PCDHGA1: variants seen among roughly 807,000 people sequenced by gnomAD.
PCDHGA1 encodes protocadherin gamma subfamily A, 1.
PCDHGA1 carries 32 observed loss-of-function variants against 58.0 expected under a neutral mutation model. The ratio of observed to expected loss-of-function variants is 0.55; its 90% CI spans 0.42 to 0.74. PCDHGA1 has a LOEUF of 0.74. PCDHGA1 is among the 30% of genes least tolerant of loss of function. The pLI is 0.00. For missense variants in PCDHGA1, 1,205 were observed against 1,182.3 expected, an observed-to-expected ratio of 1.02 and a Z score of -0.28; for synonymous variants, 498 against 501.1, an observed-to-expected ratio of 0.99 and a Z score of 0.08.
intron 1 of PCDHGA1, chr5:141,409,037 T>G (rs770619339): frequency 1.2e-6 from 2 of 1,613,992 alleles, no homozygotes; most frequent in South Asian, 2.2e-5. Context: ...TGAGATAAAC[T>G]ACTACTTCCG....
At chr5:141,381,445 G>C (rs1777202904) in intron 1 of PCDHGA1, among the ~76,000 whole-genome samples, 1 of 152,248 alleles carries the variant, frequency 6.6e-6, no homozygotes. Context: ...TGTCAGGACA[G>C]TCCTGCATTT....
chr5:141,507,202 C>G (rs2099859138), intron 3 of PCDHGA1: 1 of 152,356 alleles, frequency 6.6e-6, no homozygotes, highest in Non-Finnish European at 1.5e-5. Flanking sequence ...TCTTCCAGAT[C>G]AGGGTTGCCA....
intron 1 of PCDHGA1, among the ~76,000 whole-genome samples, chr5:141,461,119 C>T (rs959427669): frequency 6.6e-6 from 1 of 152,016 alleles, no homozygotes; most frequent in Admixed American, 6.6e-5. Flanking sequence ...GTGTCTTTTT[C>T]ATATAATTAC....
intron 1 of PCDHGA1, chr5:141,362,068 G>T (rs62621761): frequency 1.9e-6 from 3 of 1,612,342 alleles, no homozygotes; most frequent in African/African-American, 1.3e-5. Flanking sequence ...CCTGCTGGTC[G>T]CTGTGCGTGA....
intron 1 of PCDHGA1, chr5:141,374,478 G>C (rs781173070): frequency 6.2e-7 from 1 of 1,611,820 alleles, no homozygotes; most frequent in African/African-American, 1.3e-5. Flanking sequence ...AATACACCCC[G>C]ATTCTTAAAG....
rs757520068 is a variant in PCDHGA1, at chr5:141,331,391, A to G, written c.707A>G (p.Asn236Ser). 6.2e-7 allele frequency: 1 copy of G among 1,614,148 alleles called. No individual in the cohort carries two copies. The highest frequency in any genetic ancestry group is 8.5e-7 in the Non-Finnish European group (1 of 1,180,040). Reference protein sequence around the residue: ...LRIYIQVVDANDNPPAFTQAQ... With the variant: ...LRIYIQVVDASDNPPAFTQAQ... ...ATTTACATTCAGGTGGTGGATGCAA[A>G]TGACAATCCTCCAGCATTTACTCAG... is the stretch of plus-strand genomic sequence containing the variant. Residue 236 changes from asparagine (N) to serine (S), a missense_variant, in exon 1 of 4, where the codon AAT becomes AGT. Transcript: ENST00000517417.
intron 1 of PCDHGA1, chr5:141,492,003 T>G: frequency 1.6e-6 from 1 of 626,972 alleles, no homozygotes; most frequent in Non-Finnish European, 2.6e-6. Context: ...TCGGGCGATT[T>G]CCGCGGGTGT....
At position 141,486,813 on chromosome 5, in the gene PCDHGA1, G is replaced by A; in HGVS notation, c.2422-7994G>A. On this transcript the variant is annotated intron_variant, in intron 1 of 3. Transcript: ENST00000517417. The surrounding 1 kb of genome is among the most constrained non-coding windows in gnomAD (Gnocchi z 5.0). ...GATCGGGGCAACCCACCCCTTAGCA[G>A]CACTGTAACAGTTCGTCTATTTGTG... The A allele has an allele frequency of 6.2e-7, 1 of 1,614,212 alleles. No individual in the cohort carries two copies.
intron 1 of PCDHGA1, chr5:141,374,344 G>A (rs1770398551): frequency 6.2e-7 from 1 of 1,614,034 alleles, no homozygotes; most frequent in Non-Finnish European, 8.5e-7. Context: ...TGGTCACCGC[G>A]GGTAGGATAG....
At chr5:141,390,385 C>T in intron 1 of PCDHGA1, 1 of 1,430,580 alleles carries the variant, frequency 7.0e-7, no homozygotes, top group South Asian at 1.3e-5. Flanking sequence ...TTTTAGATGT[C>T]ATGGATCATT....
intron 1 of PCDHGA1, among the ~76,000 whole-genome samples, chr5:141,452,522 A>G (rs924248463): frequency 6.6e-6 from 1 of 152,310 alleles, no homozygotes; most frequent in African/African-American, 2.4e-5. Context: ...CTCCCTCAAA[A>G]TCGTGAGTTC....
intron 1 of PCDHGA1, among the ~76,000 whole-genome samples, chr5:141,373,413 C>T (rs1769555622): frequency 6.6e-6 from 1 of 152,186 alleles, no homozygotes; most frequent in African/African-American, 2.4e-5. Flanking sequence ...GTCCCAGCTA[C>T]TCGGGAGGCT....
chr5:141,445,828 G>A (rs1188169953), intron 1 of PCDHGA1, among the ~76,000 whole-genome samples: 2 of 152,188 alleles, frequency 1.3e-5, no homozygotes, highest in African/African-American at 2.4e-5. Context: ...AAGGCAGGGA[G>A]AGCCTTGTAA....
At chr5:141,395,110 GTCACCTGATCTT>G in intron 1 of PCDHGA1, 2 of 1,614,214 alleles carry the variant, frequency 1.2e-6, no homozygotes, top group African/African-American at 1.3e-5. Flanking sequence ...TCGCGGAAGA[GTCACCTGATCTT>G]TCCCCAGCCC....
At chr5:141,419,327 TC>T (rs774592605) in intron 1 of PCDHGA1, 1 of 1,613,856 alleles carries the variant, frequency 6.2e-7, no homozygotes, top group Non-Finnish European at 8.5e-7. Flanking sequence ...TGTCTCCTAC[TC>T]TCTCATTGCC....
At chr5:141,445,188 GTATTCTA>G (rs1223900471) in intron 1 of PCDHGA1, among the ~76,000 whole-genome samples, 1 of 152,080 alleles carries the variant, frequency 6.6e-6, no homozygotes, top group Non-Finnish European at 1.5e-5. Context: ...ATGTTTTTAT[GTATTCTA>G]TATGCTTTTG....
chr5:141,431,726 G>C lies in PCDHGA1; in HGVS notation c.2422-63081G>C. On this transcript the variant is annotated intron_variant, in intron 1 of 3. Coordinates refer to ENST00000517417, the MANE Select transcript of PCDHGA1 (RefSeq NM_018912.3). The surrounding 1 kb of genome is among the most constrained non-coding windows in gnomAD (Gnocchi z 4.8). ...CTACCAGATGGAAGTGCAAGCAATG[G>C]ATAATGCAGGATATTCTGCGCGAGC... The C allele has an allele frequency of 6.2e-7, 1 of 1,614,204 alleles. No homozygotes were observed. Among genetic ancestry groups the C allele is most frequent in the Non-Finnish European group, 8.5e-7 (1 of 1,180,032 alleles).
chr5:141,444,893 G>T (rs1238224263), intron 1 of PCDHGA1, among the ~76,000 whole-genome samples: 1 of 152,160 alleles, frequency 6.6e-6, no homozygotes, highest in Admixed American at 6.5e-5. Flanking sequence ...TTTTGAATGG[G>T]ATGGCATTGC....
Position 141,352,720 on chromosome 5 carries a change from T to C in PCDHGA1, c.2421+19615T>C, listed in dbSNP as rs1364046182. 2.0e-6 allele frequency: 3 copies of C among 1,536,122 alleles called. No homozygotes were observed. The Admixed American group carries it at 5.9e-5, about 30-fold the overall frequency. The stretch of plus-strand genomic sequence containing the variant: ...TTTTATATATGGCGGCCGGGCGCGG[T>C]GGCTCAAGCCTGTAATCCCAGCACT... On this transcript the variant is annotated intron_variant, in intron 1 of 3. Transcript: ENST00000517417.
Sources: allele counts gnomAD v4.1 joint callset (sites outside exome capture counted in the v4.1 genomes callset), GRCh38; gene constraint gnomAD v4.1.1; non-coding constraint Gnocchi (gnomAD v3.1); transcripts MANE v1.5; gene names NCBI Gene and HGNC (gene_info 2026-07-23, HGNC 2026-07-21).